The following CSDE1 variants were observed in gnomAD, a reference collection of about 807,000 sequenced individuals.
CSDE1 encodes cold shock domain containing E1.
Under a neutral mutation model 89.3 loss-of-function variants are expected in CSDE1, and 17 were observed. That is an observed-to-expected ratio of 0.19 (90% confidence interval 0.13 to 0.29). The LOEUF is 0.29. Among genes scored for constraint, CSDE1 ranks in the 10% least tolerant of loss-of-function variants. The probability of loss-of-function intolerance (pLI) is 1.00; values close to 1 mark genes in which losing one functional copy is unlikely to be tolerated. For synonymous variants in CSDE1, 322 were observed against 332.8 expected, an observed-to-expected ratio of 0.97 and a Z score of 0.35; for missense variants, 672 against 984.2, an observed-to-expected ratio of 0.68 and a Z score of 4.24.
Position 114,737,989 on chromosome 1 carries a change from G to T in CSDE1, c.283C>A (p.Leu95Ile). 6.2e-7 allele frequency: 1 copy of T among 1,613,578 alleles called. No individual in the cohort carries two copies. Among genetic ancestry groups the T allele is most frequent in the South Asian group, 1.1e-5 (1 of 91,064 alleles). The part of the protein sequence containing the change: ...VKLVKIKQEI[L>I]PEERMNGQVV... Reference sequence around the variant, plus strand: ...TGTCCATTCATTCGTTCTTCAGGGAGGATTTCTTGTTTTATCTTCACCAGT... The same window carrying T: ...TGTCCATTCATTCGTTCTTCAGGGATGATTTCTTGTTTTATCTTCACCAGT... Residue 95 changes from leucine to isoleucine, a missense_variant, in exon 4 of 20, where the codon CTC becomes ATC. Transcript: ENST00000358528.
At chr1:114,750,412 A>G (rs747904225) in intron 1 of CSDE1, among the ~76,000 whole-genome samples, 7 of 152,178 alleles carry the variant, frequency 4.6e-5, no homozygotes, top group Non-Finnish European at 8.8e-5. Context: ...CTCATACCCA[A>G]GACCTCAAAT....
chr1:114,720,777 C>A, intron 16 of CSDE1, 60 bp from the exon 17 acceptor site: 1 of 1,468,984 alleles, frequency 6.8e-7, no homozygotes, highest in African/African-American at 1.4e-5. Context: ...TGCTGATGAC[C>A]CTAGGAAGTT....
intron 18 of CSDE1, 51 bp from the exon 19 acceptor site, chr1:114,718,796 C>G: frequency 6.3e-7 from 1 of 1,596,160 alleles, no homozygotes; most frequent in Non-Finnish European, 8.5e-7. Flanking sequence ...GGGCAGACAG[C>G]AAGCACTTGC....
In CSDE1 at chr1:114,739,745, A is replaced by C; in HGVS notation, c.146T>G (p.Leu49Arg). The change falls in exon 3 of 20, where the codon CTT becomes CGT. Residue 49 changes from leucine (L) to arginine (R), a missense_variant. Leu to Arg is a moderately radical substitution (Grantham distance 102). Around this residue, in one of 8 missense-constraint regions of CSDE1, gnomAD observed 34 missense variants for 73.3 expected, o/e 0.46. Coordinates refer to ENST00000358528, the MANE Select transcript of CSDE1 (RefSeq NM_001007553.3). ...ATTATACTGTGAACAGTGGAAGAAA[A>C]GTCTAGCTTGACGTTCTGAACACTG... ...FIQCSERQAR[L>R]FFHCSQYNGN... 6.2e-7 allele frequency: 1 copy of C among 1,614,114 alleles called. No individual in the cohort carries two copies. Among genetic ancestry groups the C allele is most frequent in the Non-Finnish European group, 8.5e-7 (1 of 1,179,982 alleles).
chr1:114,748,363 T>C (rs1259895698), intron 2 of CSDE1: 1 of 152,222 alleles, frequency 6.6e-6, no homozygotes, highest in Non-Finnish European at 1.5e-5. Context: ...TTATTACCTA[T>C]ACACTGATGA....
intron 6 of CSDE1, 35 bp downstream of exon 6, chr1:114,736,723 G>A (rs371270912): frequency 1.6e-5 from 22 of 1,411,884 alleles, no homozygotes; most frequent in South Asian, 1.0e-4. Flanking sequence ...AAAAAAAACC[G>A]CTTAGGTGAG....
intron 2 of CSDE1, among the ~76,000 whole-genome samples, chr1:114,747,515 G>C (rs1661075906): frequency 6.6e-6 from 1 of 152,156 alleles, no homozygotes; most frequent in African/African-American, 2.4e-5. Context: ...TAAACAAAAA[G>C]GACTTCGTTA....
intron 2 of CSDE1, among the ~76,000 whole-genome samples, chr1:114,743,320 T>C (rs1171325036): frequency 1.3e-5 from 2 of 152,136 alleles, no homozygotes; most frequent in Non-Finnish European, 2.9e-5. Context: ...GTCTCCCAAG[T>C]AGCTGGGACT....
At chr1:114,736,954 G>C (rs1439411328) in intron 5 of CSDE1, 99 bp from the exon 6 acceptor site, 5 of 836,842 alleles carry the variant, frequency 6.0e-6, no homozygotes, top group Non-Finnish European at 9.4e-6. Flanking sequence ...GGCATTTTAA[G>C]CCAAATTTCT....
At chr1:114,720,780 AG>A (rs1026031792) in intron 16 of CSDE1, 63 bp from the exon 17 acceptor site, 5 of 1,454,006 alleles carry the variant, frequency 3.4e-6, no homozygotes, top group African/African-American at 1.4e-5. Context: ...TGATGACCCT[AG>A]GAAGTTTATA....
chr1:114,754,140 C>T (rs187657278), intron 1 of CSDE1, among the ~76,000 whole-genome samples: 1 of 152,188 alleles, frequency 6.6e-6, no homozygotes, highest in East Asian at 1.9e-4. Flanking sequence ...AGGCGTGTAC[C>T]ACCAGGCCTG....
At position 114,734,490 on chromosome 1, in the gene CSDE1, C is replaced by A; in HGVS notation, c.534G>T (p.Leu178=). The A allele has an allele frequency of 6.2e-7, 1 of 1,612,762 alleles. No homozygotes were observed. The highest frequency in any genetic ancestry group is 8.5e-7 in the Non-Finnish European group (1 of 1,179,606). Residue 178 remains leucine, a synonymous_variant, in exon 7 of 20, where the codon CTG becomes CTT. Transcript: ENST00000358528. ...GACAGCGGGCTTGTTTCTTTTTCAA[C>A]AGCATAATGTTGCGAGCACTTACAG... is the stretch of plus-strand genomic sequence containing the variant. ...TGAVSARNIM[L]LKKKQARCQG...
chr1:114,742,897 G>A (rs2101065321), intron 2 of CSDE1, among the ~76,000 whole-genome samples: 1 of 152,274 alleles, frequency 6.6e-6, no homozygotes, highest in South Asian at 2.1e-4. Context: ...CCAGAACATA[G>A]TATTTCTAAC....
At position 114,729,716 on chromosome 1, in the gene CSDE1, A is replaced by G. The variant is rs1660003167; in HGVS notation, c.1356+542T>C. Among the ~76,000 whole-genome samples, 2 of 152,168 alleles carry G rather than the reference A, an allele frequency of 1.3e-5. 1 individual carries two copies. The highest frequency in any genetic ancestry group is 1.3e-4 in the Admixed American group (2 of 15,274). ...CTTCAATAGCAATATTTTATATTCT[A>G]TATGAATTACTTGTTTCTATAAAAC... On this transcript the variant is annotated intron_variant, in intron 12 of 19. Coordinates refer to ENST00000358528, the MANE Select transcript of CSDE1 (RefSeq NM_001007553.3).
chr1:114,742,479 G>T (rs551593949), intron 2 of CSDE1, among the ~76,000 whole-genome samples: 1 of 152,180 alleles, frequency 6.6e-6, no homozygotes, highest in Non-Finnish European at 1.5e-5. Flanking sequence ...CTACTCAGGA[G>T]GGGGAGGCAT....
rs1441272520 is a variant in CSDE1 at position 114,717,532 on chromosome 1, A to G, written c.*637T>C. ...CCCACGAAAAAAAACCTACTCTGGA[A>G]GAAAATTTTCACTGAAATATAACCA... On this transcript the variant is annotated 3_prime_UTR_variant, in exon 20 of 20. Coordinates refer to ENST00000358528, the MANE Select transcript of CSDE1 (RefSeq NM_001007553.3). 3 of 152,632 alleles carry G rather than the reference A, an allele frequency of 2.0e-5. No homozygotes were observed. Among genetic ancestry groups the G allele is most frequent in the African/African-American group, 7.2e-5 (3 of 41,456 alleles). 9.5% of individuals were successfully genotyped at this position (152,632 alleles called of 1,614,324 possible).
At chr1:114,723,468 A>C (rs971553734) in intron 16 of CSDE1, among the ~76,000 whole-genome samples, 3 of 152,212 alleles carry the variant, frequency 2.0e-5, no homozygotes, top group African/African-American at 7.2e-5. Context: ...GATTATGTAC[A>C]TATGTGTAGT....
chr1:114,738,023 A>C lies in CSDE1; in HGVS notation c.249T>G (p.Ile83Met). ...VSSDRRTGKPIAVKLVKIKQE... is the reference protein window; with the variant it reads ...VSSDRRTGKPMAVKLVKIKQE... ...GTTTTATCTTCACCAGTTTAACAGCAATGGGTTTCCCAGTCCGTCGGTCCG... is the reference window on the plus strand; with the variant it reads ...GTTTTATCTTCACCAGTTTAACAGCCATGGGTTTCCCAGTCCGTCGGTCCG... Residue 83 changes from isoleucine to methionine, a missense_variant, in exon 4 of 20, where the codon ATT (isoleucine) becomes ATG (methionine). Around this residue, in one of 8 missense-constraint regions of CSDE1, gnomAD observed 124 missense variants for 138.7 expected, o/e 0.89. Coordinates refer to ENST00000358528, the MANE Select transcript of CSDE1 (RefSeq NM_001007553.3). 6.2e-7 allele frequency: 1 copy of C among 1,614,094 alleles called. No individual in the cohort carries two copies.
chr1:114,721,424 C>T (rs953091964), intron 16 of CSDE1, among the ~76,000 whole-genome samples: 5 of 152,118 alleles, frequency 3.3e-5, no homozygotes, highest in African/African-American at 9.7e-5. Context: ...GCCTGGAGCC[C>T]GGTGCAGGCT....
Sources: allele counts gnomAD v4.1 joint callset (sites outside exome capture counted in the v4.1 genomes callset), GRCh38; gene constraint gnomAD v4.1.1; regional missense constraint gnomAD v4.1.1; transcripts MANE v1.5; gene names NCBI Gene and HGNC (gene_info 2026-07-23, HGNC 2026-07-21).